ATP1A4: variants seen among roughly 807,000 people sequenced by gnomAD.
ATP1A4 encodes ATPase Na+/K+ transporting subunit alpha 4.
A neutral mutation model predicts 114.3 loss-of-function variants in ATP1A4; 90 were observed. That is an observed-to-expected ratio of 0.79 (90% CI 0.66 to 0.94). The LOEUF is 0.94. Ranked by LOEUF, ATP1A4 falls within the 40% of genes least tolerant of loss-of-function variation. The pLI, the probability that ATP1A4 is intolerant of heterozygous loss-of-function variation, is 0.00. For missense variants in ATP1A4, 1,222 were observed against 1,313.6 expected (o/e 0.93, Z 1.08); for synonymous variants, 511 against 494.1 (o/e 1.03, Z -0.45).
intron 20 of ATP1A4, among the ~76,000 whole-genome samples, chr1:160,185,175 C>T (rs1310684212): frequency 2.0e-5 from 3 of 150,688 alleles, no homozygotes; most frequent in East Asian, 1.9e-4. Flanking sequence ...TGCAGTGGTG[C>T]GATCTCAGCT....
At chr1:160,178,890 T>A (rs1240915807) in intron 18 of ATP1A4, among the ~76,000 whole-genome samples, 1 of 152,202 alleles carries the variant, frequency 6.6e-6, no homozygotes, top group Non-Finnish European at 1.5e-5. Context: ...CCTGTCCCAA[T>A]TTCTAAGACA....
intron 10 of ATP1A4, among the ~76,000 whole-genome samples, chr1:160,168,935 G>A (rs913612814): frequency 6.6e-6 from 1 of 152,162 alleles, no homozygotes; most frequent in Non-Finnish European, 1.5e-5. Flanking sequence ...GAAAGAATTA[G>A]GTACCTCTCC....
intron 10 of ATP1A4, among the ~76,000 whole-genome samples, chr1:160,168,925 G>C (rs897763871): frequency 3.3e-5 from 5 of 152,194 alleles, no homozygotes; most frequent in Admixed American, 1.3e-4. Flanking sequence ...CCTTTAACTG[G>C]AAAGAATTAG....
chr1:160,173,063 G>C (rs1249429580), intron 12 of ATP1A4, among the ~76,000 whole-genome samples: 2 of 152,142 alleles, frequency 1.3e-5, no homozygotes, highest in Non-Finnish European at 2.9e-5. Flanking sequence ...CGTGGCCTGG[G>C]TATTCATCTT....
intron 13 of ATP1A4, 58 bp downstream of exon 13, chr1:160,173,775 A>C (rs1653351758): frequency 1.0e-5 from 16 of 1,573,760 alleles, no homozygotes; most frequent in Non-Finnish European, 1.4e-5. Flanking sequence ...AGCCTGCCCC[A>C]CCCAGATGCC....
At chr1:160,175,190 C>G (rs1167402242) in intron 15 of ATP1A4, among the ~76,000 whole-genome samples, 1 of 152,162 alleles carries the variant, frequency 6.6e-6, no homozygotes, top group African/African-American at 2.4e-5. Flanking sequence ...CGTGAATTGA[C>G]TGCATGAGCC....
intron 6 of ATP1A4, among the ~76,000 whole-genome samples, 170 bp from the exon 7 acceptor site, chr1:160,163,986 C>T (rs1193956398): frequency 6.6e-6 from 1 of 152,192 alleles, no homozygotes. Flanking sequence ...CTCAGGAGCT[C>T]TGTGTCCAGA....
intron 4 of ATP1A4, 145 bp downstream of exon 4, chr1:160,156,303 C>T: frequency 3.3e-6 from 2 of 601,162 alleles, no homozygotes; most frequent in South Asian, 4.2e-5. Context: ...TGTATCAGTC[C>T]TTAAAAGTAC....
chr1:160,183,428 T>C (rs1316712056), intron 20 of ATP1A4: 1 of 151,622 alleles, frequency 6.6e-6, no homozygotes, highest in Non-Finnish European at 1.5e-5. Flanking sequence ...ACTTAGCACC[T>C]AATCTTGCGA....
chr1:160,166,973 A>G lies in ATP1A4; in HGVS notation c.1252A>G (p.Thr418Ala), dbSNP rs758636445. Reference protein sequence around the residue: ...ADTTEEQTGKTFTKSSDTWFM... With the variant: ...ADTTEEQTGKAFTKSSDTWFM... The stretch of plus-strand genomic sequence containing the variant: ...CTTCTTTTCTTTCTCCCTAGGAAAA[A>G]CATTTACCAAGAGCTCTGATACCTG... Residue 418 changes from threonine (T) to alanine (A), a missense_variant, in exon 9 of 22, where the codon ACA becomes GCA. Physicochemically the swap from Thr to Ala is moderately conservative, Grantham distance 58 (BLOSUM62 0). Transcript: ENST00000368081. The G allele has an allele frequency of 1.5e-5, 24 of 1,613,928 alleles. No homozygotes were observed. The highest frequency in any genetic ancestry group is 1.9e-5 in the Non-Finnish European group (23 of 1,179,940).
intron 4 of ATP1A4, among the ~76,000 whole-genome samples, chr1:160,157,414 C>G (rs1322723308): frequency 6.6e-6 from 1 of 152,102 alleles, no homozygotes; most frequent in African/African-American, 2.4e-5. Flanking sequence ...TGTTTAGCTT[C>G]CAGTTATAAG....
chr1:160,180,693 C>CTTTTTT (rs1557808292), intron 18 of ATP1A4, among the ~76,000 whole-genome samples: 1 of 131,416 alleles, frequency 7.6e-6, no homozygotes, highest in African/African-American at 2.9e-5. Context: ...TGCCTTCTTC[C>CTTTTTT]CTTTTTTTTT....
chr1:160,157,189 T>A (rs1652701161), intron 4 of ATP1A4, among the ~76,000 whole-genome samples: 1 of 151,770 alleles, frequency 6.6e-6, no homozygotes, highest in Non-Finnish European at 1.5e-5. Flanking sequence ...TTTTTTATTT[T>A]GAGCTTTTAT....
In ATP1A4 at chr1:160,159,021, G is replaced by A. The variant is rs767371670; in HGVS notation, c.545G>A (p.Gly182Glu). 3 of 1,614,008 alleles carry A rather than the reference G, an allele frequency of 1.9e-6. No individual in the cohort carries two copies. Among genetic ancestry groups the A allele is most frequent in the Non-Finnish European group, 2.5e-6 (3 of 1,179,954 alleles). ...TCATAGCAAGCTCTGGTAATTCGAG[G>A]AGGAGAGAAGATGCAAATTAATGTA... ...MVPQQALVIR[G>E]GEKMQINVQE... The change falls in exon 5 of 22, where the codon GGA becomes GAA. Residue 182 changes from glycine (G) to glutamate (E), a missense_variant. By Grantham distance (98) the Gly-to-Glu change is moderately conservative (BLOSUM62 -2). Coordinates refer to ENST00000368081, the MANE Select transcript of ATP1A4 (RefSeq NM_144699.4).
Position 160,171,353 on chromosome 1 carries a change from G to A in ATP1A4, c.1594G>A (p.Gly532Arg). 6.2e-7 allele frequency: 1 copy of A among 1,614,132 alleles called. No homozygotes were observed. Among genetic ancestry groups the A allele is most frequent in the Non-Finnish European group, 8.5e-7 (1 of 1,180,020 alleles). The change falls in exon 11 of 22, where the codon GGG becomes AGG. Residue 532 changes from glycine (G) to arginine (R), a missense_variant. By Grantham distance (125) the Gly-to-Arg change is moderately radical. Coordinates refer to ENST00000368081, the MANE Select transcript of ATP1A4 (RefSeq NM_144699.4). ...GTTTTGTTCTACCTTTCTTCTGAAT[G>A]GGCAGGAGTACTCAATGAACGATGA... ...LEFCSTFLLN[G>R]QEYSMNDEMK...
chr1:160,176,327 T>TAA, intron 16 of ATP1A4, 81 bp downstream of exon 16: 1 of 1,595,784 alleles, frequency 6.3e-7, no homozygotes. Flanking sequence ...GCTATCTTAC[T>TAA]AAAACTCATG....
chr1:160,171,872 T>G, intron 12 of ATP1A4, 115 bp downstream of exon 12: 1 of 1,079,252 alleles, frequency 9.3e-7, no homozygotes, highest in Non-Finnish European at 1.3e-6. Flanking sequence ...CGGATTTCTG[T>G]TTCCTTGGGC....
intron 6 of ATP1A4, among the ~76,000 whole-genome samples, chr1:160,159,741 G>A (rs759209324): frequency 1.3e-5 from 2 of 152,160 alleles, no homozygotes; most frequent in Non-Finnish European, 2.9e-5. Context: ...GTAGATTTTC[G>A]TGTGAATTGA....
chr1:160,182,882 A>T (rs1653756431), intron 20 of ATP1A4: 1 of 152,288 alleles, frequency 6.6e-6, no homozygotes, highest in African/African-American at 2.4e-5. Flanking sequence ...CATGTTGGCC[A>T]GGATGGTCTC....
Sources: allele counts gnomAD v4.1 joint callset (sites outside exome capture counted in the v4.1 genomes callset), GRCh38; gene constraint gnomAD v4.1.1; transcripts MANE v1.5; gene names NCBI Gene and HGNC (gene_info 2026-07-23, HGNC 2026-07-21).